The following STXBP3 variants were observed in gnomAD, a reference collection of about 807,000 sequenced individuals.
The protein encoded by STXBP3 is syntaxin binding protein 3.
A neutral mutation model predicts 85.7 loss-of-function variants in STXBP3; 41 were observed. The observed-to-expected ratio is 0.48, with a 90% CI of 0.37 to 0.62. STXBP3 has a LOEUF of 0.62. Among genes scored for constraint, STXBP3 ranks in the 20% least tolerant of loss-of-function variants. The pLI is 0.00. For missense variants in STXBP3, 563 were observed against 703.1 expected, an observed-to-expected ratio of 0.80 and a Z score of 2.25; for synonymous variants, 229 against 231.7, an observed-to-expected ratio of 0.99 and a Z score of 0.10.
At chr1:108,779,922 T>A (rs191745869) in intron 9 of STXBP3, 2 of 152,290 alleles carry the variant, frequency 1.3e-5, no homozygotes, top group East Asian at 1.9e-4. Flanking sequence ...TATAAACATA[T>A]TTACTTTAAA....
intron 17 of STXBP3, among the ~76,000 whole-genome samples, chr1:108,804,850 C>T (rs948401146): frequency 6.6e-6 from 1 of 152,310 alleles, no homozygotes; most frequent in Admixed American, 6.5e-5. Context: ...TTGCACAGTA[C>T]CCAGGGCTCG....
chr1:108,792,277 T>C (rs1386942868), intron 11 of STXBP3, among the ~76,000 whole-genome samples: 1 of 152,206 alleles, frequency 6.6e-6, no homozygotes, highest in East Asian at 1.9e-4. Flanking sequence ...CACTTTAACA[T>C]AAATGTGTTA....
intron 14 of STXBP3, 117 bp downstream of exon 14, chr1:108,796,489 G>A: frequency 1.7e-6 from 2 of 1,165,276 alleles, no homozygotes; most frequent in Non-Finnish European, 2.4e-6. Context: ...ATGAAATCGA[G>A]AGAAGACTGA....
chr1:108,762,114 T>C (rs377442596), intron 6 of STXBP3, among the ~76,000 whole-genome samples: 1 of 152,264 alleles, frequency 6.6e-6, no homozygotes, highest in Non-Finnish European at 1.5e-5. Flanking sequence ...AAAGGCCTAC[T>C]GAGCATTTAT....
At chr1:108,789,821 T>G (rs1662938142) in intron 11 of STXBP3, among the ~76,000 whole-genome samples, 2 of 152,086 alleles carry the variant, frequency 1.3e-5, no homozygotes, top group Non-Finnish European at 2.9e-5. Flanking sequence ...ATCCCAGCAC[T>G]TTGAGTGGCC....
intron 16 of STXBP3, among the ~76,000 whole-genome samples, chr1:108,799,729 A>T (rs1314357966): frequency 2.0e-5 from 3 of 152,222 alleles, no homozygotes; most frequent in African/African-American, 7.2e-5. Context: ...TATATAATCT[A>T]TGTATACAGT....
At chr1:108,763,866 G>A (rs1032580030) in intron 6 of STXBP3, among the ~76,000 whole-genome samples, 4 of 152,134 alleles carry the variant, frequency 2.6e-5, no homozygotes, top group African/African-American at 9.7e-5. Flanking sequence ...ACAGGCATGA[G>A]CCACTGCGTC....
At chr1:108,753,881 A>G (rs1386772405) in intron 3 of STXBP3, among the ~76,000 whole-genome samples, 1 of 152,150 alleles carries the variant, frequency 6.6e-6, no homozygotes, top group Non-Finnish European at 1.5e-5. Context: ...TGAGGCTCCA[A>G]GTGAAATATA....
intron 7 of STXBP3, among the ~76,000 whole-genome samples, chr1:108,775,884 C>T (rs1043074312): frequency 4.6e-5 from 7 of 151,216 alleles, no homozygotes; most frequent in Admixed American, 2.6e-4. Flanking sequence ...TGAATAAATC[C>T]GATATGTGTG....
At chr1:108,794,038 T>C (rs779420527) in intron 12 of STXBP3, among the ~76,000 whole-genome samples, 12 of 152,236 alleles carry the variant, frequency 7.9e-5, no homozygotes, top group Non-Finnish European at 1.5e-4. Context: ...ATTTTTTTGC[T>C]CCTTAAAAAC....
At position 108,752,280 on chromosome 1, in the gene STXBP3, G is replaced by T; in HGVS notation, c.73G>T (p.Asp25Tyr). The T allele has an allele frequency of 6.2e-7, 1 of 1,611,198 alleles. No homozygotes were observed. The highest frequency in any genetic ancestry group is 1.1e-5 in the South Asian group (1 of 90,474). The change falls in exon 2 of 19, where the codon GAC (aspartate) becomes TAC (tyrosine). Residue 25 changes from aspartate to tyrosine, a missense_variant. Asp to Tyr is a radical substitution (Grantham distance 160). Coordinates refer to ENST00000370008, the MANE Select transcript of STXBP3 (RefSeq NM_007269.4). ...WQKIKATVFD[D>Y]CKKEGEWKIM... ...AGAGATAAAAGCAACAGTGTTTGAT[G>T]ACTGCAAGAAAGAAGGCGAATGGAA... is the stretch of plus-strand genomic sequence containing the variant.
At chr1:108,754,937 A>T (rs1160500470) in intron 3 of STXBP3, among the ~76,000 whole-genome samples, 2 of 152,142 alleles carry the variant, frequency 1.3e-5, no homozygotes, top group Non-Finnish European at 2.9e-5. Context: ...ACTTAAACTC[A>T]AAACAGTCCT....
Position 108,758,575 on chromosome 1 carries a change from T to G in STXBP3, c.324T>G (p.Ile108Met), listed in dbSNP as rs768434828. ...AGAACAAGTATAAAGCAGCATATATTTACTTCACTGACTGTAAGTCTTTTA... is the reference window on the plus strand; with the variant it reads ...AGAACAAGTATAAAGCAGCATATATGTACTTCACTGACTGTAAGTCTTTTA... ...KSENKYKAAYIYFTDFCPDNL... is the reference protein window; with the variant it reads ...KSENKYKAAYMYFTDFCPDNL... Residue 108 changes from isoleucine to methionine, a missense_variant, in exon 5 of 19, where the codon ATT becomes ATG. Coordinates refer to ENST00000370008, the MANE Select transcript of STXBP3 (RefSeq NM_007269.4). The G allele has an allele frequency of 1.3e-6, 2 of 1,520,426 alleles. No individual in the cohort carries two copies. Among genetic ancestry groups the G allele is most frequent in the Non-Finnish European group, 1.8e-6 (2 of 1,125,756 alleles). 94.2% of individuals were successfully genotyped at this position (1,520,426 alleles called of 1,614,324 possible).
chr1:108,764,907 C>A (rs867061860), intron 6 of STXBP3, among the ~76,000 whole-genome samples: 58 of 152,248 alleles, frequency 3.8e-4, no homozygotes, highest in African/African-American at 1.3e-3. Context: ...TCGGTTGTTG[C>A]TTTTGTTGCA....
intron 6 of STXBP3, among the ~76,000 whole-genome samples, chr1:108,765,725 C>G (rs556688799): frequency 1.3e-5 from 2 of 152,012 alleles, no homozygotes; most frequent in South Asian, 2.1e-4. Flanking sequence ...CACGTACCCC[C>G]ACGCGGGGCT....
chr1:108,766,913 A>AT, intron 6 of STXBP3: 1 of 531,868 alleles, frequency 1.9e-6, no homozygotes, highest in Admixed American at 2.0e-5. Flanking sequence ...AGAAACTGTA[A>AT]TATGGAACTG....
intron 17 of STXBP3, among the ~76,000 whole-genome samples, chr1:108,805,162 T>A (rs1356440672): frequency 6.6e-6 from 1 of 152,166 alleles, no homozygotes; most frequent in Non-Finnish European, 1.5e-5. Context: ...AGCTTAGAAA[T>A]TGTTAGAATT....
intron 15 of STXBP3, among the ~76,000 whole-genome samples, chr1:108,797,085 G>T (rs1220371515): frequency 6.6e-6 from 1 of 151,832 alleles, no homozygotes; most frequent in African/African-American, 2.4e-5. Flanking sequence ...GGGTATGGTG[G>T]CTCACACCTG....
Position 108,771,451 on chromosome 1 carries a change from TC to T in STXBP3, c.439-1213del, listed in dbSNP as rs200425594. The stretch of plus-strand genomic sequence containing the variant: ...TATATATGATATATATCTATATATA[TC>T]ATATATAAATATATATGATATATAT... On this transcript the variant is annotated intron_variant, in intron 6 of 18. Coordinates refer to ENST00000370008, the MANE Select transcript of STXBP3 (RefSeq NM_007269.4). Among the ~76,000 whole-genome samples the T allele has an allele frequency of 1.3e-3, 98 of 73,894 alleles. 5 individuals are homozygous for T. Among genetic ancestry groups the T allele is most frequent in the Non-Finnish European group, 1.6e-3 (56 of 34,880 alleles). The allele number at this position is 73,894 out of a possible 152,430, so 48.5% of individuals were successfully genotyped here. A position where few individuals can be genotyped will look rare whatever the true frequency, so the allele number is the denominator to read the frequency against.
Sources: allele counts gnomAD v4.1 joint callset (sites outside exome capture counted in the v4.1 genomes callset), GRCh38; gene constraint gnomAD v4.1.1; transcripts MANE v1.5; gene names NCBI Gene and HGNC (gene_info 2026-07-23, HGNC 2026-07-21).